Variants in PRRX1 observed in about 807,000 individuals in gnomAD.
The protein encoded by PRRX1 is paired mesoderm homeobox protein 1.
PRRX1 carries 8 observed loss-of-function variants against 24.0 expected under a neutral mutation model. The observed-to-expected ratio is 0.33, with a 90% CI of 0.20 to 0.60. PRRX1 has a LOEUF of 0.60. Among genes scored for constraint, PRRX1 ranks in the 20% least tolerant of loss-of-function variants. The pLI is 0.82. For missense variants in PRRX1, 281 were observed against 322.4 expected (o/e 0.87, Z 0.98); for synonymous variants, 160 against 131.7 (o/e 1.22, Z -1.47).
chr1:170,733,756 T>C (rs1316234223), intron 3 of PRRX1, among the ~76,000 whole-genome samples: 1 of 152,152 alleles, frequency 6.6e-6, no homozygotes, highest in Non-Finnish European at 1.5e-5. Context: ...ATAGTCTTTT[T>C]TTCTCAGATA....
intron 1 of PRRX1, among the ~76,000 whole-genome samples, chr1:170,685,815 T>A (rs1653713982): frequency 6.6e-6 from 1 of 152,118 alleles, no homozygotes; most frequent in Non-Finnish European, 1.5e-5. Flanking sequence ...ATTTTTCATA[T>A]CTAGCAAGGG....
At chr1:170,679,499 A>G (rs1653432497) in intron 1 of PRRX1, among the ~76,000 whole-genome samples, 1 of 152,140 alleles carries the variant, frequency 6.6e-6, no homozygotes. Context: ...TCCCAGGTTC[A>G]TGCCATTCTC....
At chr1:170,698,634 T>A (rs1654252846) in intron 1 of PRRX1, among the ~76,000 whole-genome samples, 1 of 152,168 alleles carries the variant, frequency 6.6e-6, no homozygotes, top group Admixed American at 6.5e-5. Flanking sequence ...CTTTCAGATA[T>A]CTATCTAGTA....
At chr1:170,707,435 A>T (rs548324397) in intron 1 of PRRX1, among the ~76,000 whole-genome samples, 1 of 152,194 alleles carries the variant, frequency 6.6e-6, no homozygotes, top group Non-Finnish European at 1.5e-5. Flanking sequence ...AATGTAGCTT[A>T]GAATGTCCCC....
chr1:170,735,935 G>A, intron 3 of PRRX1, 113 bp from the exon 4 acceptor site: 1 of 1,432,346 alleles, frequency 7.0e-7, no homozygotes, highest in Non-Finnish European at 9.8e-7. Context: ...TCTAGTCCAA[G>A]CCATTGCCCC....
chr1:170,738,051 A>G lies in PRRX1; in HGVS notation c.*1865A>G, dbSNP rs532538737. 4.6e-6 allele frequency: 1 copy of G among 217,538 alleles called. No individual in the cohort carries two copies. The highest frequency in any genetic ancestry group is 9.3e-6 in the Non-Finnish European group (1 of 107,878). The allele number at this position is 217,538 out of a possible 1,614,324, so 13.5% of individuals were successfully genotyped here. ...GTTTATATTTTCAGATCTCTCAAAA[A>G]TCACATCATTTGACCAAAGAATAAT... On this transcript the variant is annotated 3_prime_UTR_variant, in exon 4 of 4. Coordinates refer to ENST00000239461, the MANE Select transcript of PRRX1 (RefSeq NM_022716.4).
chr1:170,735,224 C>T (rs1435945611), intron 3 of PRRX1, among the ~76,000 whole-genome samples: 1 of 152,150 alleles, frequency 6.6e-6, no homozygotes, highest in Non-Finnish European at 1.5e-5. Context: ...TAGTGGTGTT[C>T]TTAGGTCCTA....
chr1:170,689,827 TCTCTCTCTCTCC>T (rs777301048), intron 1 of PRRX1, among the ~76,000 whole-genome samples: 7,474 of 88,032 alleles, frequency 0.085, 336 homozygotes, highest in Middle Eastern at 0.16. Flanking sequence ...TCTCTCTCTC[TCTCTCTCTCTCC>T]CTCTCTCTCT....
intron 2 of PRRX1, among the ~76,000 whole-genome samples, chr1:170,722,147 G>A (rs1331886904): frequency 6.6e-6 from 1 of 152,126 alleles, no homozygotes. Context: ...GAGTAGGGCA[G>A]AGTTCTCCCT....
intron 1 of PRRX1, among the ~76,000 whole-genome samples, chr1:170,710,568 A>G (rs1410187811): frequency 6.6e-6 from 1 of 152,222 alleles, no homozygotes; most frequent in Non-Finnish European, 1.5e-5. Flanking sequence ...TATCACTTGT[A>G]TCTTAAAGCA....
At chr1:170,685,747 C>A (rs1479818043) in intron 1 of PRRX1, among the ~76,000 whole-genome samples, 1 of 151,800 alleles carries the variant, frequency 6.6e-6, no homozygotes, top group East Asian at 1.9e-4. Context: ...TAATGAATAC[C>A]TCTATGAAGC....
At chr1:170,698,534 C>A (rs568827281) in intron 1 of PRRX1, among the ~76,000 whole-genome samples, 1 of 152,068 alleles carries the variant, frequency 6.6e-6, no homozygotes, top group East Asian at 1.9e-4. Flanking sequence ...ACAGTAGAGG[C>A]CTTTTGCGTA....
chr1:170,670,507 G>T (rs568635801), intron 1 of PRRX1, among the ~76,000 whole-genome samples: 4 of 152,302 alleles, frequency 2.6e-5, no homozygotes, highest in African/African-American at 4.8e-5. Flanking sequence ...TTTTTCAGGT[G>T]TAGATGTTCT....
At chr1:170,694,857 G>T (rs752265739) in intron 1 of PRRX1, among the ~76,000 whole-genome samples, 1 of 152,082 alleles carries the variant, frequency 6.6e-6, no homozygotes, top group Non-Finnish European at 1.5e-5. Flanking sequence ...TAACATCTAA[G>T]GATTTTGTTG....
At chr1:170,681,221 T>C (rs149523429) in intron 1 of PRRX1, among the ~76,000 whole-genome samples, 58 of 152,274 alleles carry the variant, frequency 3.8e-4, no homozygotes, top group Non-Finnish European at 6.5e-4. Flanking sequence ...ACCTTACCAA[T>C]AGGGCTTTGA....
At chr1:170,692,382 T>C in intron 1 of PRRX1, among the ~76,000 whole-genome samples, 1 of 152,084 alleles carries the variant, frequency 6.6e-6, no homozygotes, top group East Asian at 1.9e-4. Context: ...ATAAATAGAA[T>C]TGGTGAGCCT....
At chr1:170,664,997 G>A (rs577494389) in intron 1 of PRRX1, among the ~76,000 whole-genome samples, 1 of 152,386 alleles carries the variant, frequency 6.6e-6, no homozygotes, top group Non-Finnish European at 1.5e-5. Flanking sequence ...GTAAGGCCGG[G>A]CGCGACCGGG....
intron 1 of PRRX1, among the ~76,000 whole-genome samples, chr1:170,679,872 T>A (rs1238779287): frequency 6.6e-6 from 1 of 152,240 alleles, no homozygotes; most frequent in African/African-American, 2.4e-5. Flanking sequence ...TCTTCTTTTC[T>A]TACAAAGTCC....
chr1:170,729,401 CCA>C (rs945690973), intron 3 of PRRX1, among the ~76,000 whole-genome samples: 1 of 151,982 alleles, frequency 6.6e-6, no homozygotes, highest in Non-Finnish European at 1.5e-5. Flanking sequence ...TTGCTGACTT[CCA>C]CAGTTATCCC....
Sources: gnomAD v4.1 joint callset for allele counts (sites outside exome capture counted in the v4.1 genomes callset) on GRCh38, gnomAD v4.1.1 for gene constraint, MANE v1.5 for transcripts, NCBI Gene and HGNC (gene_info 2026-07-23, HGNC 2026-07-21) for gene names.